EFHC2: variants seen among roughly 807,000 people sequenced by gnomAD.
EFHC2 encodes EF-hand domain containing 2, also known as EF-hand domain-containing family member C2.
In EFHC2, 18 loss-of-function variants were observed where a neutral mutation model predicts 52.7. That is an observed-to-expected ratio of 0.34 (90% CI 0.24 to 0.51). The LOEUF is 0.51. Ranked by LOEUF, EFHC2 falls within the 20% of genes least tolerant of loss-of-function variation. The pLI is 0.97. For missense variants in EFHC2, 513 were observed against 562.5 expected (o/e 0.91, Z 0.89); for synonymous variants, 203 against 204.1 (o/e 0.99, Z 0.04).
chrX:44,165,028 T>C (rs2036685816), intron 13 of EFHC2, among the ~76,000 whole-genome samples: 1 of 111,377 alleles, frequency 9.0e-6, no homozygotes, highest in African/African-American at 3.3e-5. Context: ...CTAAATTTGA[T>C]CACATTCTGC....
chrX:44,292,383 G>A (rs1179226012), intron 2 of EFHC2, among the ~76,000 whole-genome samples: 1 of 111,160 alleles, frequency 9.0e-6, no homozygotes, highest in East Asian at 2.8e-4. Flanking sequence ...ATTCATTTAT[G>A]TTTCATACAC....
At chrX:44,325,439 A>C (rs2038046037) in intron 1 of EFHC2, among the ~76,000 whole-genome samples, 2 of 110,633 alleles carry the variant, frequency 1.8e-5, no homozygotes, top group African/African-American at 6.6e-5. Context: ...TTCCCATTCC[A>C]CCACTGTTGG....
intron 4 of EFHC2, among the ~76,000 whole-genome samples, chrX:44,251,238 CAAAAAAAAAAA>C (rs746850685): frequency 1.1e-4 from 2 of 18,313 alleles, no homozygotes; most frequent in African/African-American, 4.7e-4. Context: ...GACTCCATCT[CAAAAAAAAAAA>C]AAAAAAAAAA....
rs141964963 is a variant in EFHC2 at position 44,310,584 on chromosome X, T to C, written c.231+1984A>G. ...CAAATGATTAACAAGTGTTGACTTG[T>C]TTTTGTTGAACCGCTAATGTAGAAA... On this transcript the variant is annotated intron_variant, in intron 2 of 14. Transcript: ENST00000420999. 2.9e-3 allele frequency: 903 copies of C among 311,647 alleles called. 9 individuals carry two copies. The highest frequency in any genetic ancestry group is 0.021 in the African/African-American group (790 of 37,770). The allele number at this position is 311,647 out of a possible 1,213,427, so 25.7% of individuals were successfully genotyped here. A position where few individuals can be genotyped will look rare whatever the true frequency, so the allele number is the denominator to read the frequency against.
intron 4 of EFHC2, among the ~76,000 whole-genome samples, chrX:44,258,293 T>C (rs1167866096): frequency 9.0e-6 from 1 of 111,507 alleles, no homozygotes; most frequent in African/African-American, 3.3e-5. Flanking sequence ...TGGGATCTAA[T>C]TAAATTAACA....
intron 1 of EFHC2, among the ~76,000 whole-genome samples, chrX:44,336,108 C>T (rs1398079961): frequency 9.9e-6 from 1 of 101,071 alleles, no homozygotes; most frequent in Non-Finnish European, 2.1e-5. Context: ...GATACCAGGC[C>T]GGGTGTGGTG....
chrX:44,227,078 G>T, intron 11 of EFHC2, among the ~76,000 whole-genome samples: 1 of 109,758 alleles, frequency 9.1e-6, no homozygotes, highest in Non-Finnish European at 1.9e-5. Context: ...ACACCCTATT[G>T]TTTGCCAGAC....
At chrX:44,339,191 CA>C (rs58180100) in intron 1 of EFHC2, among the ~76,000 whole-genome samples, 32 of 90,238 alleles carry the variant, frequency 3.5e-4, no homozygotes, top group East Asian at 3.4e-4. Flanking sequence ...ACTCCATCTC[CA>C]AAAAAAAAAA....
chrX:44,282,137 A>C (rs776225167), intron 2 of EFHC2, among the ~76,000 whole-genome samples: 23 of 110,687 alleles, frequency 2.1e-4, no homozygotes, highest in Non-Finnish European at 4.2e-4. Flanking sequence ...TATCATAGAA[A>C]AAAAAAGGTA....
chrX:44,244,910 G>A (rs2037387351), intron 7 of EFHC2, among the ~76,000 whole-genome samples: 1 of 112,260 alleles, frequency 8.9e-6, no homozygotes, highest in South Asian at 3.7e-4. Context: ...CGCTTCATTA[G>A]CTTCAAGGTA....
Position 44,229,639 on chromosome X carries a change from T to C in EFHC2, c.1751+10A>G. 1.7e-6 allele frequency: 2 copies of C among 1,210,960 alleles called. No individual in the cohort carries two copies. Among genetic ancestry groups the C allele is most frequent in the Non-Finnish European group, 2.2e-6 (2 of 895,055 alleles). On this transcript the variant is annotated intron_variant, in intron 11 of 14. Transcript: ENST00000420999. ...GGAAAACAGGTGATTGTTAGCAGAATATGGCTTACCTGAATGTATTATAAT... is the reference window on the plus strand; with the variant it reads ...GGAAAACAGGTGATTGTTAGCAGAACATGGCTTACCTGAATGTATTATAAT...
chrX:44,255,532 A>G (rs993575186), intron 4 of EFHC2, among the ~76,000 whole-genome samples: 2 of 112,021 alleles, frequency 1.8e-5, no homozygotes, highest in African/African-American at 6.5e-5. Flanking sequence ...AAAGAAGGGC[A>G]TTTCATAATG....
intron 11 of EFHC2, among the ~76,000 whole-genome samples, chrX:44,183,627 A>G (rs1333752332): frequency 1.8e-5 from 2 of 111,999 alleles, no homozygotes; most frequent in African/African-American, 3.3e-5. Flanking sequence ...TGCCATGTAC[A>G]AAGCTCTTCA....
At chrX:44,248,082 T>G (rs1219142298) in intron 7 of EFHC2, among the ~76,000 whole-genome samples, 190 bp downstream of exon 7, 1 of 111,042 alleles carries the variant, frequency 9.0e-6, no homozygotes, top group African/African-American at 3.3e-5. Flanking sequence ...ACCTCTAAAA[T>G]GGGGATAATG....
chrX:44,302,412 T>C (rs1472420358), intron 2 of EFHC2, among the ~76,000 whole-genome samples: 1 of 112,473 alleles, frequency 8.9e-6, no homozygotes, highest in African/African-American at 3.2e-5. Context: ...GGCTCATTTA[T>C]GATTCTCATT....
At chrX:44,214,285 A>T (rs1226787398) in intron 11 of EFHC2, among the ~76,000 whole-genome samples, 1 of 112,254 alleles carries the variant, frequency 8.9e-6, no homozygotes, top group African/African-American at 3.2e-5. Flanking sequence ...AACCAAAACC[A>T]AACCAAAACA....
intron 8 of EFHC2, among the ~76,000 whole-genome samples, chrX:44,238,621 G>A (rs768540479): frequency 2.7e-5 from 3 of 110,812 alleles, no homozygotes; most frequent in South Asian, 3.9e-4. Flanking sequence ...TCGGCCTCCC[G>A]GATGCTCCTT....
intron 4 of EFHC2, among the ~76,000 whole-genome samples, chrX:44,254,472 G>A (rs1234649636): frequency 8.9e-6 from 1 of 112,281 alleles, no homozygotes; most frequent in Admixed American, 9.4e-5. Flanking sequence ...GCTTTGTGAA[G>A]CATACACAAG....
chrX:44,335,778 A>G (rs2147399890), intron 1 of EFHC2, among the ~76,000 whole-genome samples: 1 of 112,231 alleles, frequency 8.9e-6, no homozygotes, highest in East Asian at 2.8e-4. Flanking sequence ...TTTATCCTTA[A>G]ATATATGTAC....
Sources: gnomAD v4.1 joint callset for allele counts (sites outside exome capture counted in the v4.1 genomes callset) on GRCh38, gnomAD v4.1.1 for gene constraint, MANE v1.5 for transcripts, NCBI Gene and HGNC (gene_info 2026-07-23, HGNC 2026-07-21) for gene names.